Variants in TRMO observed in about 807,000 individuals in gnomAD.
The protein encoded by TRMO is tRNA (adenine(37)-N6)-methyltransferase.
A neutral mutation model predicts 37.2 loss-of-function variants in TRMO; 30 were observed. The observed-to-expected ratio is 0.81, with a 90% CI of 0.60 to 1.09. The LOEUF is 1.09. Among genes scored for constraint, TRMO ranks in the 50% least tolerant of loss-of-function variants. The pLI, the probability that TRMO is intolerant of heterozygous loss-of-function variation, is 0.00. For synonymous variants in TRMO, 239 were observed against 199.4 expected (o/e 1.20, Z -1.67); for missense variants, 552 against 549.5 (o/e 1.00, Z -0.05).
chr9:97,921,405 T>C (rs1411678148), intron 1 of TRMO, among the ~76,000 whole-genome samples: 3 of 151,256 alleles, frequency 2.0e-5, no homozygotes, highest in East Asian at 1.9e-4. Flanking sequence ...AAATTAATAA[T>C]AACAAAACAA....
At chr9:97,905,044 A>G in intron 4 of TRMO, 52 bp from the exon 5 acceptor site, 1 of 1,580,912 alleles carries the variant, frequency 6.3e-7, no homozygotes, top group South Asian at 1.1e-5. Context: ...GGTTGAATTT[A>G]ATTACAACAA....
At chr9:97,904,214 CAT>C (rs1034350895), downstream of TRMO, among the ~76,000 whole-genome samples, 131 of 152,010 alleles carry the variant, frequency 8.6e-4, 1 homozygote, top group Non-Finnish European at 2.5e-4. Flanking sequence ...AATATATATA[CAT>C]ATATATATGT....
intron 1 of TRMO, among the ~76,000 whole-genome samples, chr9:97,917,945 G>A (rs1165675291): frequency 3.3e-5 from 5 of 149,938 alleles, no homozygotes; most frequent in African/African-American, 1.2e-4. Flanking sequence ...GCCTCTCAAA[G>A]TGCTAGTATT....
chr9:97,903,781 A>G (rs768730832), downstream of TRMO, among the ~76,000 whole-genome samples: 3 of 152,210 alleles, frequency 2.0e-5, no homozygotes, highest in Non-Finnish European at 4.4e-5. Flanking sequence ...AAATAGTTGC[A>G]AAGTGAGTAT....
rs755781936 is a variant in TRMO at position 97,910,058 on chromosome 9, C to G, written c.968G>C (p.Ser323Thr). Residue 323 changes from serine to threonine, a missense_variant, in exon 4 of 5, where the codon AGC becomes ACC. Coordinates refer to ENST00000375119, the MANE Select transcript of TRMO (RefSeq NM_016481.5). The part of the protein sequence containing the change: ...PAGRADGAPR[S>T]VVPAWVTEAP... Reference sequence around the variant, plus strand: ...CTCTGTCACCCAGGCAGGAACCACGCTGCGGGGAGCTCCATCAGCCCTTCC... The same window carrying G: ...CTCTGTCACCCAGGCAGGAACCACGGTGCGGGGAGCTCCATCAGCCCTTCC... The G allele has an allele frequency of 3.1e-6, 5 of 1,613,234 alleles. No homozygotes were observed. The South Asian group carries it at 5.5e-5, about 18-fold the overall frequency.
At chr9:97,909,650 T>C (rs1395328793) in intron 4 of TRMO, among the ~76,000 whole-genome samples, 1 of 152,198 alleles carries the variant, frequency 6.6e-6, no homozygotes, top group African/African-American at 2.4e-5. Context: ...AGCTTCTGAA[T>C]GATATTTGAA....
At chr9:97,905,126 C>T in intron 4 of TRMO, 134 bp from the exon 5 acceptor site, 13 of 944,282 alleles carry the variant, frequency 1.4e-5, no homozygotes, top group Non-Finnish European at 2.1e-5. Flanking sequence ...ACTATTTGAT[C>T]ATTACGGAGA....
rs533167180 is a variant in TRMO at position 97,910,676 on chromosome 9, G to A, written c.410-60C>T. On this transcript the variant is annotated intron_variant, in intron 3 of 4. Coordinates refer to ENST00000375119, the MANE Select transcript of TRMO (RefSeq NM_016481.5). ...GCAAACACTTGGAGAATACAGTCAC[G>A]CCCCAGAATCCTCTAACACTGTCTG... The A allele has an allele frequency of 1.9e-4, 301 of 1,568,024 alleles. 2 individuals are homozygous for A. The South Asian group carries it at 2.3e-3, about 12-fold the overall frequency.
Position 97,916,304 on chromosome 9 carries a change from T to C in TRMO, c.111A>G (p.Glu37=). The change falls in exon 2 of 5, where the codon GAA becomes GAG. Residue 37 remains glutamate, a synonymous_variant. Transcript: ENST00000375119. The stretch of plus-strand genomic sequence containing the variant: ...TACCATTCTTGGCCGAGAAACAAGA[T>C]TCCAAGTAGCCGACTGGCTCAGTTA... ...NLLTEPVGYL[E]SCFSAKNGTP... is the part of the protein sequence containing the mutation. The C allele has an allele frequency of 1.2e-6, 2 of 1,613,282 alleles. No homozygotes were observed. The highest frequency in any genetic ancestry group is 1.7e-6 in the Non-Finnish European group (2 of 1,179,680).
At chr9:97,904,462 C>A (rs1825769603), downstream of TRMO, 1 of 1,224,010 alleles carries the variant, frequency 8.2e-7, no homozygotes, top group South Asian at 2.4e-5. Flanking sequence ...CCAAGAACAG[C>A]TTCTTTCAGA....
intron 1 of TRMO, 92 bp downstream of exon 1, chr9:97,922,326 A>C: frequency 1.1e-5 from 9 of 836,468 alleles, no homozygotes; most frequent in Non-Finnish European, 1.8e-5. Flanking sequence ...CGTCAGTTCC[A>C]GATCGTGCGT....
At chr9:97,909,675 C>T (rs1478175567) in intron 4 of TRMO, among the ~76,000 whole-genome samples, 2 of 152,198 alleles carry the variant, frequency 1.3e-5, no homozygotes, top group Non-Finnish European at 2.9e-5. Flanking sequence ...CTAAGAACTA[C>T]TGTAGCAAGT....
In TRMO at chr9:97,904,862, A is replaced by G. The variant is rs1405219896; in HGVS notation, c.1197T>C (p.Phe399=). ...RKLCQDRLFY[F]TVDIAHVTCW... Reference sequence around the variant, plus strand: ...AAGTGACATGCGCTATGTCTACAGTAAAGTAGAAAAGGCGGTCCTGGCAAA... The same window carrying G: ...AAGTGACATGCGCTATGTCTACAGTGAAGTAGAAAAGGCGGTCCTGGCAAA... Residue 399 remains phenylalanine, a synonymous_variant, in exon 5 of 5, where the codon TTT becomes TTC. Transcript: ENST00000375119. 1 of 1,614,218 alleles carries G rather than the reference A, an allele frequency of 6.2e-7. No individual in the cohort carries two copies.
intron 3 of TRMO, 40 bp from the exon 4 acceptor site, chr9:97,910,656 C>T: frequency 1.9e-6 from 3 of 1,597,268 alleles, no homozygotes; most frequent in Non-Finnish European, 2.6e-6. Context: ...ACAGTGCAAA[C>T]ACTTGGAGAA....
At chr9:97,906,082 C>T (rs958898450) in intron 4 of TRMO, among the ~76,000 whole-genome samples, 15 of 151,518 alleles carry the variant, frequency 9.9e-5, no homozygotes, top group Admixed American at 2.0e-4. Context: ...CACTTGAACC[C>T]GGGAGGTGGA....
intron 4 of TRMO, among the ~76,000 whole-genome samples, chr9:97,907,349 T>A (rs978407149): frequency 6.6e-6 from 1 of 152,122 alleles, no homozygotes; most frequent in Non-Finnish European, 1.5e-5. Flanking sequence ...CAGGAAGAAA[T>A]GGGGAAATCT....
chr9:97,920,875 A>T (rs1206047376), intron 1 of TRMO, among the ~76,000 whole-genome samples: 2 of 152,176 alleles, frequency 1.3e-5, no homozygotes, highest in Admixed American at 6.5e-5. Flanking sequence ...AACTTTTCAT[A>T]TTCTCCACTG....
At chr9:97,905,019 G>A (rs1564103636) in intron 4 of TRMO, 27 bp from the exon 5 acceptor site, 1 of 1,607,136 alleles carries the variant, frequency 6.2e-7, no homozygotes, top group South Asian at 1.1e-5. Flanking sequence ...ACAACTTAAT[G>A]AGCACTATCA....
chr9:97,906,103 A>G (rs977369022), intron 4 of TRMO, among the ~76,000 whole-genome samples: 1 of 151,582 alleles, frequency 6.6e-6, no homozygotes, highest in Non-Finnish European at 1.5e-5. Context: ...GGTTGCAGTG[A>G]GCCAAGATTG....
Sources: allele counts gnomAD v4.1 joint callset (sites outside exome capture counted in the v4.1 genomes callset), GRCh38; gene constraint gnomAD v4.1.1; transcripts MANE v1.5; gene names NCBI Gene and HGNC (gene_info 2026-07-23, HGNC 2026-07-21).